Variants in ATP5F1C observed in about 807,000 individuals in gnomAD.
The protein encoded by ATP5F1C is ATP synthase F1 subunit gamma, also known as ATP synthase F(1) complex subunit gamma, mitochondrial.
In ATP5F1C, 22 loss-of-function variants were observed where a neutral mutation model predicts 37.4. The ratio of observed to expected loss-of-function variants is 0.59; its 90% CI spans 0.42 to 0.84. The LOEUF (loss-of-function observed/expected upper bound fraction) is 0.84. ATP5F1C is among the 40% of genes least tolerant of loss of function. ATP5F1C has a pLI of 0.00. For synonymous variants in ATP5F1C, 121 were observed against 128.0 expected, an observed-to-expected ratio of 0.95 and a Z score of 0.37; for missense variants, 286 against 362.4, an observed-to-expected ratio of 0.79 and a Z score of 1.71.
chr10:7,794,961 C>T (rs1177544649), intron 1 of ATP5F1C, among the ~76,000 whole-genome samples: 2 of 152,182 alleles, frequency 1.3e-5, no homozygotes, highest in Non-Finnish European at 2.9e-5. Flanking sequence ...TGAGGTCTCT[C>T]CTGAGGCTGT....
At chr10:7,792,273 T>G (rs935045725) in intron 1 of ATP5F1C, among the ~76,000 whole-genome samples, 3 of 152,254 alleles carry the variant, frequency 2.0e-5, no homozygotes, top group African/African-American at 7.2e-5. Flanking sequence ...CCAAACCTAA[T>G]ATTTTTCGTG....
In ATP5F1C at chr10:7,807,708, C is replaced by T. The variant is rs759822260; in HGVS notation, c.*80C>T. 5 of 1,594,272 alleles carry T rather than the reference C, an allele frequency of 3.1e-6. No individual in the cohort carries two copies. The East Asian group carries it at 1.1e-4, about 36-fold the overall frequency. On this transcript the variant is annotated 3_prime_UTR_variant, in exon 10 of 10. Transcript: ENST00000356708. ...TGATTTTGTTTTTAGCTTACTGCTG[C>T]CTTTGTCCGAAGAAACTGTTCCTCC...
At chr10:7,799,686 G>A (rs1026610731) in intron 4 of ATP5F1C, 86 bp from the exon 5 acceptor site, 1 of 1,499,222 alleles carries the variant, frequency 6.7e-7, no homozygotes, top group African/African-American at 1.4e-5. Flanking sequence ...GATCCATGGT[G>A]ACAATGTTTT....
At chr10:7,793,185 C>A (rs1276824184) in intron 1 of ATP5F1C, among the ~76,000 whole-genome samples, 2 of 152,238 alleles carry the variant, frequency 1.3e-5, no homozygotes, top group African/African-American at 4.8e-5. Flanking sequence ...GATCTCTGCT[C>A]ACCACAACCT....
intron 3 of ATP5F1C, among the ~76,000 whole-genome samples, chr10:7,798,324 C>A (rs74778238): frequency 6.6e-6 from 1 of 151,248 alleles, no homozygotes; most frequent in Non-Finnish European, 1.5e-5. Context: ...ACAACCTCCC[C>A]CTCCCAGGCT....
chr10:7,796,976 A>T, intron 2 of ATP5F1C, 71 bp from the exon 3 acceptor site: 1 of 1,535,884 alleles, frequency 6.5e-7, no homozygotes, highest in Admixed American at 1.9e-5. Context: ...CTTCAGAAAA[A>T]TATGTCAATA....
At position 7,797,187 on chromosome 10, in the gene ATP5F1C, A is replaced by G; in HGVS notation, c.223+9A>G. The G allele has an allele frequency of 6.2e-7, 1 of 1,612,324 alleles. No homozygotes were observed. The highest frequency in any genetic ancestry group is 8.5e-7 in the Non-Finnish European group (1 of 1,178,840). ...TGGATTGGGATCTTTAGGTAAGGGA[A>G]GAGTGTAATTCACAAATTAGGAAGA... On this transcript the variant is annotated intron_variant, in intron 3 of 9. Transcript: ENST00000356708.
At chr10:7,797,496 G>T (rs1836263044) in intron 3 of ATP5F1C, among the ~76,000 whole-genome samples, 1 of 152,150 alleles carries the variant, frequency 6.6e-6, no homozygotes, top group South Asian at 2.1e-4. Flanking sequence ...CTGTGTATTT[G>T]TTAGCCATTA....
intron 3 of ATP5F1C, among the ~76,000 whole-genome samples, chr10:7,798,678 G>A (rs888728519): frequency 6.6e-6 from 1 of 152,158 alleles, no homozygotes. Context: ...TTACAGACGT[G>A]AGCCACCGTG....
At chr10:7,802,584 T>G (rs1240384284) in intron 7 of ATP5F1C, among the ~76,000 whole-genome samples, 159 bp downstream of exon 7, 1 of 152,224 alleles carries the variant, frequency 6.6e-6, no homozygotes, top group African/African-American at 2.4e-5. Context: ...GATTTGCAAG[T>G]ACTGTGAAAA....
intron 8 of ATP5F1C, among the ~76,000 whole-genome samples, chr10:7,804,305 C>T (rs573353927): frequency 3.5e-4 from 53 of 152,304 alleles, no homozygotes; most frequent in African/African-American, 1.3e-3. Context: ...CAGAAACACT[C>T]GATGTATGTG....
intron 8 of ATP5F1C, among the ~76,000 whole-genome samples, chr10:7,806,379 G>A (rs555162477): frequency 2.4e-4 from 36 of 152,356 alleles, no homozygotes; most frequent in Non-Finnish European, 4.6e-4. Flanking sequence ...ATATGGCCAG[G>A]CGCAGTGGCT....
At chr10:7,802,498 C>G in intron 7 of ATP5F1C, 73 bp downstream of exon 7, 2 of 1,519,106 alleles carry the variant, frequency 1.3e-6, no homozygotes, top group Non-Finnish European at 1.8e-6. Flanking sequence ...GAGAGGAGTC[C>G]GTGGCCGAGA....
chr10:7,797,314 C>A (rs1296310220), intron 3 of ATP5F1C, 136 bp downstream of exon 3: 1 of 1,093,534 alleles, frequency 9.1e-7, no homozygotes, highest in East Asian at 2.5e-5. Flanking sequence ...TCATCTACAT[C>A]CACTTGACAC....
At chr10:7,794,645 G>T (rs1420472164) in intron 1 of ATP5F1C, among the ~76,000 whole-genome samples, 1 of 152,084 alleles carries the variant, frequency 6.6e-6, no homozygotes, top group Admixed American at 6.5e-5. Context: ...TGACGTAATA[G>T]ATTATATTAT....
Position 7,799,077 on chromosome 10 carries a change from G to A in ATP5F1C, c.311G>A (p.Gly104Asp). 1 of 1,613,468 alleles carries A rather than the reference G, an allele frequency of 6.2e-7. No homozygotes were observed. Among genetic ancestry groups the A allele is most frequent in the Non-Finnish European group, 8.5e-7 (1 of 1,179,880 alleles). ...GTGTCCTCAGATCGAGGACTGTGTG[G>A]TGCTATTCATTCCTCCATTGCTAAA... ...IGVSSDRGLC[G>D]AIHSSIAKQM... The change falls in exon 4 of 10, where the codon GGT becomes GAT. Residue 104 changes from glycine to aspartate, a missense_variant. Coordinates refer to ENST00000356708, the MANE Select transcript of ATP5F1C (RefSeq NM_001001973.3).
intron 3 of ATP5F1C, 136 bp from the exon 4 acceptor site, chr10:7,798,854 C>T (rs542847973): frequency 1.5e-5 from 12 of 786,138 alleles, no homozygotes; most frequent in South Asian, 1.1e-4. Context: ...GTCCTAAGAA[C>T]ACCTGCTTAC....
chr10:7,797,275 T>C, intron 3 of ATP5F1C, 97 bp downstream of exon 3: 1 of 1,469,354 alleles, frequency 6.8e-7, no homozygotes, highest in Non-Finnish European at 9.2e-7. Context: ...ATGTCAAGCC[T>C]ATCTGAGCAC....
intron 8 of ATP5F1C, among the ~76,000 whole-genome samples, chr10:7,805,723 G>A (rs965307717): frequency 7.2e-5 from 10 of 139,498 alleles, no homozygotes; most frequent in East Asian, 2.0e-4. Flanking sequence ...CTCCAGCCTG[G>A]GCAAAAGAGC....
Sources: allele counts gnomAD v4.1 joint callset (sites outside exome capture counted in the v4.1 genomes callset), GRCh38; gene constraint gnomAD v4.1.1; transcripts MANE v1.5; gene names NCBI Gene and HGNC (gene_info 2026-07-23, HGNC 2026-07-21).